HYDIN: variants seen among roughly 807,000 people sequenced by gnomAD.
HYDIN encodes HYDIN axonemal central pair apparatus protein.
HYDIN carries 132 observed loss-of-function variants against 403.9 expected under a neutral mutation model. The ratio of observed to expected loss-of-function variants is 0.33; its 90% CI spans 0.28 to 0.38. HYDIN has a LOEUF of 0.38. Among genes scored for constraint, HYDIN ranks in the 10% least tolerant of loss-of-function variants. HYDIN has a pLI of 1.00. For synonymous variants in HYDIN, 1,202 were observed against 1,891.7 expected (o/e 0.64, Z 9.46); for missense variants, 2,827 against 5,009.5 (o/e 0.56, Z 13.15).
At chr16:71,032,175 C>A (rs4788728) in intron 18 of HYDIN, among the ~76,000 whole-genome samples, 16,215 of 151,888 alleles carry the variant, frequency 0.11, 1,246 homozygotes, top group African/African-American at 0.22. Flanking sequence ...GCAAGATAAC[C>A]GTCCAATTCT....
At chr16:70,822,185 G>T (rs1158207744) in intron 83 of HYDIN, among the ~76,000 whole-genome samples, 1 of 152,056 alleles carries the variant, frequency 6.6e-6, no homozygotes, top group African/African-American at 2.4e-5. Flanking sequence ...TGCCATTCTA[G>T]ATGCCATTAA....
intron 50 of HYDIN, among the ~76,000 whole-genome samples, chr16:70,904,656 A>T (rs2076485388): frequency 7.0e-6 from 1 of 142,716 alleles, no homozygotes; most frequent in South Asian, 2.4e-4. Context: ...GCATGCCACC[A>T]CACCTGGCTA....
In HYDIN at chr16:70,920,908, C is replaced by T. The variant is rs2076976752; in HGVS notation, c.7468G>A (p.Ala2490Thr). The change falls in exon 46 of 86, where the codon GCG becomes ACG. Residue 2490 changes from alanine (A) to threonine (T), a missense_variant. Physicochemically the swap from Ala to Thr is moderately conservative, Grantham distance 58. Coordinates refer to ENST00000393567, the MANE Select transcript of HYDIN (RefSeq NM_001270974.2). ...VQLPPAGMEE[A>T]PHEPDDQRQV... ...CGCTGGTCGTCGGGCTCATGGGGCG[C>T]TTCCTCCATCCCTGCAGGAGGCAGC... The T allele has an allele frequency of 6.2e-7, 1 of 1,613,512 alleles. No individual in the cohort carries two copies. The highest frequency in any genetic ancestry group is 1.3e-5 in the African/African-American group (1 of 74,932).
At chr16:71,139,739 T>C (rs927848919) in intron 7 of HYDIN, among the ~76,000 whole-genome samples, 3 of 151,972 alleles carry the variant, frequency 2.0e-5, no homozygotes, top group South Asian at 2.1e-4. Flanking sequence ...GTGGATAAGA[T>C]ACAAGGAAGA....
At chr16:71,007,131 C>T (rs1165654199) in intron 23 of HYDIN, among the ~76,000 whole-genome samples, 1 of 151,754 alleles carries the variant, frequency 6.6e-6, no homozygotes, top group African/African-American at 2.4e-5. Context: ...GCTGCCCTTC[C>T]CTTATTTGTA....
At chr16:70,902,819 A>ATTTTTTTT (rs1444020291) in intron 52 of HYDIN, among the ~76,000 whole-genome samples, 2 of 17,210 alleles carry the variant, frequency 1.2e-4, no homozygotes, top group Admixed American at 1.3e-3. Flanking sequence ...ATATATATAT[A>ATTTTTTTT]TATTTTTTTT....
intron 77 of HYDIN, among the ~76,000 whole-genome samples, chr16:70,836,542 A>G (rs2037437475): frequency 6.6e-6 from 1 of 152,230 alleles, no homozygotes; most frequent in South Asian, 2.1e-4. Context: ...AGAGAAAAGT[A>G]GTTATGCTTC....
chr16:70,810,031 T>A, intron 84 of HYDIN, 24 bp from the exon 85 acceptor site: 1 of 1,609,128 alleles, frequency 6.2e-7, no homozygotes, highest in Non-Finnish European at 8.5e-7. Flanking sequence ...CAGAGGATCC[T>A]GTCATGCTGA....
intron 58 of HYDIN, among the ~76,000 whole-genome samples, chr16:70,887,364 G>C (rs2041203344): frequency 6.6e-6 from 1 of 151,762 alleles, no homozygotes; most frequent in African/African-American, 2.4e-5. Flanking sequence ...TATGACTATG[G>C]AGGAGGTTGG....
At chr16:70,860,046 A>C (rs1456684874) in intron 71 of HYDIN, 22 bp downstream of exon 71, 2 of 1,593,156 alleles carry the variant, frequency 1.3e-6, no homozygotes, top group Non-Finnish European at 1.7e-6. Flanking sequence ...CCTTGGGTTG[A>C]GTGGTTCTCA....
chr16:71,037,700 A>G (rs1385710630), intron 18 of HYDIN, among the ~76,000 whole-genome samples: 4 of 152,130 alleles, frequency 2.6e-5, no homozygotes, highest in South Asian at 4.1e-4. Flanking sequence ...GAGGGCCACC[A>G]AAAAAACTGA....
chr16:71,039,918 TG>T (rs2081227921), intron 18 of HYDIN, among the ~76,000 whole-genome samples: 1 of 152,188 alleles, frequency 6.6e-6, no homozygotes, highest in African/African-American at 2.4e-5. Context: ...AAGGGCCCAC[TG>T]AGCTGTTAAC....
intron 18 of HYDIN, among the ~76,000 whole-genome samples, chr16:71,037,032 G>A (rs1294526713): frequency 6.6e-6 from 1 of 150,684 alleles, no homozygotes; most frequent in Non-Finnish European, 1.5e-5. Context: ...GTGGGAGGGA[G>A]GGCGCTGAAG....
intron 80 of HYDIN, among the ~76,000 whole-genome samples, chr16:70,830,914 C>T (rs1196046197): frequency 6.6e-6 from 1 of 151,902 alleles, no homozygotes; most frequent in Non-Finnish European, 1.5e-5. Context: ...AGAGTCCAGG[C>T]TGCAGATAAA....
At chr16:71,048,830 C>G (rs1215418633) in intron 18 of HYDIN, among the ~76,000 whole-genome samples, 3 of 152,092 alleles carry the variant, frequency 2.0e-5, no homozygotes, top group East Asian at 1.9e-4. Context: ...CATAATTTTC[C>G]TATATAACAA....
chr16:71,194,180 A>G (rs1209003117), intron 1 of HYDIN, among the ~76,000 whole-genome samples: 1 of 152,220 alleles, frequency 6.6e-6, no homozygotes, highest in African/African-American at 2.4e-5. Flanking sequence ...TGGGAGGCTG[A>G]GGCAGGTAGA....
At position 71,169,224 on chromosome 16, in the gene HYDIN, G is replaced by A. The variant is rs571251822; in HGVS notation, c.516+6383C>T. Reference sequence around the variant, plus strand: ...GCAGATCACTTGAGCTCAGGAGTTCGAGACCAGCCTGGACAACGTGGAGAA... The same window carrying A: ...GCAGATCACTTGAGCTCAGGAGTTCAAGACCAGCCTGGACAACGTGGAGAA... On this transcript the variant is annotated intron_variant, in intron 5 of 85. Transcript: ENST00000393567. Among the ~76,000 whole-genome samples, 24 of 152,192 alleles carry A rather than the reference G, an allele frequency of 1.6e-4. No individual in the cohort carries two copies. In the East Asian group the frequency reaches 3.7e-3, roughly 23 times the overall value.
At chr16:71,031,510 T>C in intron 19 of HYDIN, 169 bp downstream of exon 19, 8 of 1,305,812 alleles carry the variant, frequency 6.1e-6, no homozygotes, top group Non-Finnish European at 7.9e-6. Flanking sequence ...AGAAAATGTC[T>C]TCTTGTTGCT....
At chr16:71,174,278 A>G (rs2086577820) in intron 5 of HYDIN, among the ~76,000 whole-genome samples, 1 of 152,190 alleles carries the variant, frequency 6.6e-6, no homozygotes, top group Non-Finnish European at 1.5e-5. Flanking sequence ...ACCACATTAA[A>G]TTCTCTATCC....
Sources: gnomAD v4.1 joint callset for allele counts (sites outside exome capture counted in the v4.1 genomes callset) on GRCh38, gnomAD v4.1.1 for gene constraint, MANE v1.5 for transcripts, NCBI Gene and HGNC (gene_info 2026-07-23, HGNC 2026-07-21) for gene names.